Variants in CDKL3 observed in about 807,000 individuals in gnomAD.
The protein encoded by CDKL3 is cyclin-dependent kinase-like 3.
In CDKL3, 65 loss-of-function variants were observed where a neutral mutation model predicts 69.3. That is an observed-to-expected ratio of 0.94 (90% confidence interval 0.77 to 1.15). The LOEUF is 1.15. Among genes scored for constraint, CDKL3 ranks in the 50% most tolerant of loss-of-function variants. The probability of loss-of-function intolerance (pLI) is 0.00; values close to 1 mark genes in which losing one functional copy is unlikely to be tolerated. For synonymous variants in CDKL3, 202 were observed against 221.6 expected, an observed-to-expected ratio of 0.91 and a Z score of 0.79; for missense variants, 652 against 689.2, an observed-to-expected ratio of 0.95 and a Z score of 0.61.
upstream of CDKL3, chr5:134,371,578 G>T (rs1263736625): frequency 1.2e-6 from 2 of 1,611,462 alleles, no homozygotes; most frequent in Admixed American, 1.7e-5. Context: ...CAGACTGACC[G>T]CGGGGCAGCT....
At position 134,298,726 on chromosome 5, in the gene CDKL3, A is replaced by C. The variant is rs1561489973; in HGVS notation, c.1720-16T>G. 6.2e-7 allele frequency: 1 copy of C among 1,610,014 alleles called. No individual in the cohort carries two copies. Among genetic ancestry groups the C allele is most frequent in the Non-Finnish European group, 8.5e-7 (1 of 1,178,330 alleles). On this transcript the variant is annotated splice_polypyrimidine_tract_variant and intron_variant, in intron 12 of 12. Coordinates refer to ENST00000265334, the MANE Select transcript of CDKL3 (RefSeq NM_001113575.2). ...CATCTCCACCCTAAAATTAGAAACC[A>C]AGCTAGTAAGAATCAGGGACTGGAA...
rs554192282 is a variant in CDKL3, at chr5:134,302,011, A to C, written c.1719+579T>G. 35 of 379,214 alleles carry C rather than the reference A, an allele frequency of 9.2e-5. No homozygotes were observed. In the Admixed American group the frequency reaches 1.0e-3, roughly 11 times the overall value. The allele number at this position is 379,214 out of a possible 1,614,324, so 23.5% of individuals were successfully genotyped here. ...TGATTTAATTCAGTGGGTGCTCAGC[A>C]CAATCTCTCTCTCTTAAAAGACTGT... is the stretch of plus-strand genomic sequence containing the variant. On this transcript the variant is annotated intron_variant, in intron 12 of 12. Transcript: ENST00000265334.
At chr5:134,363,969 A>AG (rs1756713433) in intron 2 of CDKL3, among the ~76,000 whole-genome samples, 1 of 147,278 alleles carries the variant, frequency 6.8e-6, no homozygotes, top group Non-Finnish European at 1.5e-5. Flanking sequence ...AAAAAAAAAA[A>AG]AAAAAAAAAG....
upstream of CDKL3, chr5:134,367,250 G>C: frequency 1.0e-6 from 1 of 985,402 alleles, no homozygotes; most frequent in Non-Finnish European, 1.2e-6. Flanking sequence ...ACCTACTCTG[G>C]GTAGGCGCAA....
chr5:134,320,122 C>G (rs911348580), intron 5 of CDKL3, among the ~76,000 whole-genome samples: 1 of 152,136 alleles, frequency 6.6e-6, no homozygotes, highest in Non-Finnish European at 1.5e-5. Flanking sequence ...ATATTAATCT[C>G]TTAACTAGAA....
intron 10 of CDKL3, 151 bp downstream of exon 10, chr5:134,306,458 C>T (rs1767851630): frequency 3.5e-6 from 2 of 571,246 alleles, no homozygotes; most frequent in African/African-American, 4.0e-5. Flanking sequence ...GATCGTACCA[C>T]TGCACTCCAG....
intron 12 of CDKL3, among the ~76,000 whole-genome samples, chr5:134,300,865 A>C (rs907068188): frequency 2.0e-5 from 3 of 152,112 alleles, no homozygotes; most frequent in African/African-American, 7.2e-5. Context: ...AGGAGCCCTA[A>C]CTCACCCAAT....
Position 134,318,481 on chromosome 5 carries a change from TTTTG to T in CDKL3, c.792+873_792+876del, listed in dbSNP as rs530529356. Among the ~76,000 whole-genome samples, 772 of 151,972 alleles carry T rather than the reference TTTTG, an allele frequency of 5.1e-3. 2 individuals carry two copies. Among genetic ancestry groups the T allele is most frequent in the African/African-American group, 0.018 (738 of 41,454 alleles). On this transcript the variant is annotated intron_variant, in intron 6 of 12. Coordinates refer to ENST00000265334, the MANE Select transcript of CDKL3 (RefSeq NM_001113575.2). ...GTAAGTCCTTAGAATTTCTCCAGTTTTTTGTTTGTTTGTTGTTTTTTTGAGACGG... is the reference window on the plus strand; with the variant it reads ...GTAAGTCCTTAGAATTTCTCCAGTTTTTTGTTTGTTGTTTTTTTGAGACGG...
chr5:134,366,155 A>T (rs1346374653), intron 2 of CDKL3, among the ~76,000 whole-genome samples: 1 of 152,216 alleles, frequency 6.6e-6, no homozygotes. Flanking sequence ...ATTATTAAAC[A>T]ATATTGGTGT....
At chr5:134,299,492 G>A (rs545009669) in intron 12 of CDKL3, 11 of 1,222,006 alleles carry the variant, frequency 9.0e-6, no homozygotes, top group Non-Finnish European at 1.2e-5. Context: ...ATAAATTCAT[G>A]TTCAAATTAA....
chr5:134,303,283 G>A (rs1052828481), intron 11 of CDKL3, among the ~76,000 whole-genome samples: 2 of 152,022 alleles, frequency 1.3e-5, no homozygotes, highest in African/African-American at 4.8e-5. Context: ...TGCCATATTG[G>A]CCAGGGTGGT....
intron 8 of CDKL3, among the ~76,000 whole-genome samples, chr5:134,293,252 T>C (rs1311680338): frequency 5.3e-5 from 8 of 151,842 alleles, no homozygotes; most frequent in Non-Finnish European, 7.4e-5. Flanking sequence ...ACTCCCAATG[T>C]CAGGTGATCT....
chr5:134,319,206 C>T (rs1158909425), intron 6 of CDKL3, 152 bp downstream of exon 6: 1 of 518,022 alleles, frequency 1.9e-6, no homozygotes. Flanking sequence ...TGGCAGGTGC[C>T]TGTAATCCCA....
At chr5:134,289,701 A>C (rs1181450159) in intron 8 of CDKL3, among the ~76,000 whole-genome samples, 2 of 152,146 alleles carry the variant, frequency 1.3e-5, no homozygotes, top group African/African-American at 4.8e-5. Context: ...AGCTCTTGAA[A>C]ATGCTGGACT....
At chr5:134,345,769 T>C (rs11743255) in intron 4 of CDKL3, among the ~76,000 whole-genome samples, 5,755 of 152,222 alleles carry the variant, frequency 0.038, 152 homozygotes, top group Non-Finnish European at 0.056. Context: ...TTTTCACTTC[T>C]TTTGTGATTC....
At chr5:134,326,971 G>A (rs1385422267) in intron 4 of CDKL3, among the ~76,000 whole-genome samples, 2 of 151,024 alleles carry the variant, frequency 1.3e-5, no homozygotes, top group Admixed American at 6.6e-5. Flanking sequence ...TGAGTCTGTG[G>A]CACCTAAACC....
upstream of CDKL3, among the ~76,000 whole-genome samples, chr5:134,369,594 G>A (rs1267741537): frequency 1.5e-5 from 1 of 67,732 alleles, no homozygotes; most frequent in African/African-American, 3.0e-5. Context: ...GGTTTTTTTG[G>A]TTGTTGCGGG....
chr5:134,298,435 G>C lies in CDKL3; in HGVS notation c.*216C>G, dbSNP rs976683716. The C allele has an allele frequency of 2.2e-6, 3 of 1,334,986 alleles. No individual in the cohort carries two copies. The highest frequency in any genetic ancestry group is 7.0e-5 in the Admixed American group (2 of 28,398). 82.7% of individuals were successfully genotyped at this position (1,334,986 alleles called of 1,614,324 possible). ...GCAAAAAAAAGAAGTAGGCAGAGAAGAGATGACTTTATAATTCCAAATCAA... is the reference window on the plus strand; with the variant it reads ...GCAAAAAAAAGAAGTAGGCAGAGAACAGATGACTTTATAATTCCAAATCAA... On this transcript the variant is annotated 3_prime_UTR_variant, in exon 13 of 13. Transcript: ENST00000265334.
intron 4 of CDKL3, among the ~76,000 whole-genome samples, chr5:134,331,302 AT>A (rs1229334988): frequency 6.6e-6 from 1 of 151,862 alleles, no homozygotes; most frequent in Non-Finnish European, 1.5e-5. Context: ...TCTTTTTTTA[AT>A]TTAATTTATT....
Sources: gnomAD v4.1 joint callset for allele counts (sites outside exome capture counted in the v4.1 genomes callset) on GRCh38, gnomAD v4.1.1 for gene constraint, MANE v1.5 for transcripts, NCBI Gene and HGNC (gene_info 2026-07-23, HGNC 2026-07-21) for gene names.